The following SKAP1 variants were observed in gnomAD, a reference collection of about 807,000 sequenced individuals.
The protein encoded by SKAP1 is src kinase-associated phosphoprotein 1.
Under a neutral mutation model 58.5 loss-of-function variants are expected in SKAP1, and 44 were observed. That is an observed-to-expected ratio of 0.75 (90% CI 0.59 to 0.97). The LOEUF is 0.97. Among genes scored for constraint, SKAP1 ranks in the 50% least tolerant of loss-of-function variants. SKAP1 has a pLI of 0.00. For synonymous variants in SKAP1, 127 were observed against 149.7 expected, an observed-to-expected ratio of 0.85 and a Z score of 1.11; for missense variants, 390 against 435.2, an observed-to-expected ratio of 0.90 and a Z score of 0.92.
intron 4 of SKAP1, among the ~76,000 whole-genome samples, chr17:48,338,099 TTTTCTTTC>T (rs543418536): frequency 6.6e-6 from 1 of 151,340 alleles, no homozygotes; most frequent in Non-Finnish European, 1.5e-5. Flanking sequence ...CTTTCTTTCT[TTTTCTTTC>T]TTTCTTTCTT....
chr17:48,421,001 C>T lies in SKAP1; in HGVS notation c.46+9074G>A, dbSNP rs541746269. Among the ~76,000 whole-genome samples, 156 of 152,282 alleles carry T rather than the reference C, an allele frequency of 1.0e-3. 3 individuals carry two copies. The highest frequency in any genetic ancestry group is 4.3e-3 in the South Asian group (21 of 4,828). Reference sequence around the variant, plus strand: ...TTGGGCCTACACAACCCAGGACAGACAGCATGCATAGCAGCAGGGAAGCCT... The same window carrying T: ...TTGGGCCTACACAACCCAGGACAGATAGCATGCATAGCAGCAGGGAAGCCT... On this transcript the variant is annotated intron_variant, in intron 1 of 12. Transcript: ENST00000336915.
chr17:48,198,555 A>G (rs1427215594), intron 4 of SKAP1, among the ~76,000 whole-genome samples: 1 of 152,254 alleles, frequency 6.6e-6, no homozygotes, highest in African/African-American at 2.4e-5. Flanking sequence ...GAAGTCAATC[A>G]AAAATAACTT....
At chr17:48,375,856 G>A (rs1712455285) in intron 2 of SKAP1, among the ~76,000 whole-genome samples, 1 of 152,172 alleles carries the variant, frequency 6.6e-6, no homozygotes, top group Non-Finnish European at 1.5e-5. Context: ...CAGCAGAGAT[G>A]TGTAGCATGG....
chr17:48,338,033 TTTCCTTCC>T (rs144199043), intron 4 of SKAP1, among the ~76,000 whole-genome samples: 13,923 of 151,708 alleles, frequency 0.092, 973 homozygotes, highest in African/African-American at 0.17. Flanking sequence ...TAGTTCCTTC[TTTCCTTCC>T]TTCCTTCCTT....
At chr17:48,245,214 C>T (rs2065282493) in intron 4 of SKAP1, among the ~76,000 whole-genome samples, 1 of 152,168 alleles carries the variant, frequency 6.6e-6, no homozygotes, top group East Asian at 1.9e-4. Context: ...GCAGCTGCCC[C>T]TCTTGAATTT....
chr17:48,270,658 TCTTTTTAAGG>T (rs1374570473), intron 4 of SKAP1, among the ~76,000 whole-genome samples: 4 of 152,106 alleles, frequency 2.6e-5, no homozygotes, highest in Non-Finnish European at 5.9e-5. Context: ...TTATTTTTTA[TCTTTTTAAGG>T]CTAGTCAAGT....
At chr17:48,227,801 C>A (rs2143764869) in intron 4 of SKAP1, among the ~76,000 whole-genome samples, 1 of 152,294 alleles carries the variant, frequency 6.6e-6, no homozygotes. Flanking sequence ...GGTTCCAACC[C>A]TTACCAGCTG....
At chr17:48,335,045 C>T (rs1384080059) in intron 4 of SKAP1, among the ~76,000 whole-genome samples, 1 of 151,670 alleles carries the variant, frequency 6.6e-6, no homozygotes, top group Non-Finnish European at 1.5e-5. Flanking sequence ...TGCGACTGAC[C>T]CCTTTTCATT....
At chr17:48,145,880 G>T (rs1377934302) in intron 11 of SKAP1, among the ~76,000 whole-genome samples, 1 of 151,942 alleles carries the variant, frequency 6.6e-6, no homozygotes, top group Non-Finnish European at 1.5e-5. Flanking sequence ...CCAACAAAAG[G>T]AACTCACCAT....
chr17:48,412,950 G>C (rs2067683137), intron 1 of SKAP1, among the ~76,000 whole-genome samples: 1 of 151,308 alleles, frequency 6.6e-6, no homozygotes, highest in Non-Finnish European at 1.5e-5. Flanking sequence ...CTACTCAGGG[G>C]AATAAAAGTT....
At chr17:48,140,911 C>CT (rs2063759429) in intron 11 of SKAP1, among the ~76,000 whole-genome samples, 1 of 151,920 alleles carries the variant, frequency 6.6e-6, no homozygotes, top group African/African-American at 2.4e-5. Flanking sequence ...CTCAGCCTCC[C>CT]GAGTAGCTAG....
intron 4 of SKAP1, among the ~76,000 whole-genome samples, chr17:48,271,073 G>A (rs553525477): frequency 3.3e-4 from 50 of 152,198 alleles, no homozygotes; most frequent in African/African-American, 1.1e-3. Context: ...AACATTTCCT[G>A]TAGCTGGCTT....
intron 4 of SKAP1, among the ~76,000 whole-genome samples, chr17:48,326,687 T>G (rs147228399): frequency 1.8e-3 from 281 of 152,306 alleles, no homozygotes; most frequent in Non-Finnish European, 3.1e-3. Context: ...AGCAGGACAT[T>G]AATACATATC....
At position 48,205,009 on chromosome 17, in the gene SKAP1, CTT is replaced by C. The variant is rs1401531169; in HGVS notation, c.281-15511_281-15510del. ...TCTTTCTTTCTTTCTTTCTTTCTTT[CTT>C]TCTTTTTCTTTCTTTCTTTCTTTCT... On this transcript the variant is annotated intron_variant, in intron 4 of 12. Transcript: ENST00000336915. Among the ~76,000 whole-genome samples, 129 of 32,980 alleles carry C rather than the reference CTT, an allele frequency of 3.9e-3. 1 individual carries two copies. The Middle Eastern group carries it at 0.053, about 14-fold the overall frequency. 21.6% of individuals were successfully genotyped at this position (32,980 alleles called of 152,430 possible). A position where few individuals can be genotyped will look rare whatever the true frequency, so the allele number is the denominator to read the frequency against.
At chr17:48,307,936 C>T (rs2066170188) in intron 4 of SKAP1, 1 of 152,190 alleles carries the variant, frequency 6.6e-6, no homozygotes. Context: ...TTTCTAGCCT[C>T]ATCTCCATTC....
At chr17:48,277,378 G>A (rs2065713987) in intron 4 of SKAP1, among the ~76,000 whole-genome samples, 1 of 152,124 alleles carries the variant, frequency 6.6e-6, no homozygotes, top group African/African-American at 2.4e-5. Context: ...TGTCATTTGC[G>A]GATAGTCTAA....
chr17:48,157,238 CTT>C (rs11314766), intron 11 of SKAP1, among the ~76,000 whole-genome samples: 253 of 143,258 alleles, frequency 1.8e-3, no homozygotes, highest in Non-Finnish European at 1.7e-3. Context: ...TGGGGAGCAT[CTT>C]TTTTTTTTTT....
At chr17:48,257,864 G>C (rs1018921645) in intron 4 of SKAP1, among the ~76,000 whole-genome samples, 2 of 151,968 alleles carry the variant, frequency 1.3e-5, no homozygotes, top group African/African-American at 2.4e-5. Context: ...CTGATAGTTG[G>C]AGCCTCTGAA....
At chr17:48,420,058 C>A (rs1234778618) in intron 1 of SKAP1, among the ~76,000 whole-genome samples, 1 of 152,124 alleles carries the variant, frequency 6.6e-6, no homozygotes, top group Non-Finnish European at 1.5e-5. Context: ...AATCACCTAA[C>A]CTATAATGCA....
Sources: allele counts gnomAD v4.1 joint callset (sites outside exome capture counted in the v4.1 genomes callset), GRCh38; gene constraint gnomAD v4.1.1; transcripts MANE v1.5; gene names NCBI Gene and HGNC (gene_info 2026-07-23, HGNC 2026-07-21).